KIF4A: variants seen among roughly 807,000 people sequenced by gnomAD.
The protein encoded by KIF4A is kinesin family member 4A.
Under a neutral mutation model 105.9 loss-of-function variants are expected in KIF4A, and 7 were observed. The observed-to-expected ratio is 0.07, with a 90% CI of 0.04 to 0.12. The LOEUF (loss-of-function observed/expected upper bound fraction) is 0.12, where lower values mean the gene tolerates loss of function less well. Ranked by LOEUF, KIF4A falls within the 10% of genes least tolerant of loss-of-function variation. The pLI is 1.00. For synonymous variants in KIF4A, 281 were observed against 331.3 expected (o/e 0.85, Z 1.65); for missense variants, 558 against 929.2 (o/e 0.60, Z 5.19).
chrX:70,311,483 A>T (rs2085849553), intron 7 of KIF4A, among the ~76,000 whole-genome samples: 1 of 111,960 alleles, frequency 8.9e-6, no homozygotes, highest in Non-Finnish European at 1.9e-5. Flanking sequence ...AGAGGTCAGG[A>T]TGGTATAATG....
At chrX:70,357,903 T>C (rs2086058489) in intron 15 of KIF4A, among the ~76,000 whole-genome samples, 1 of 110,851 alleles carries the variant, frequency 9.0e-6, no homozygotes, top group African/African-American at 3.3e-5. Flanking sequence ...TTTTTTGTTG[T>C]TGTTGTTATT....
In KIF4A at chrX:70,403,961, G is replaced by A. The variant is rs1377093411; in HGVS notation, c.2717G>A (p.Arg906Gln). The A allele has an allele frequency of 4.1e-6, 5 of 1,211,572 alleles. No homozygotes were observed. Among genetic ancestry groups the A allele is most frequent in the Middle Eastern group, 2.3e-4 (1 of 4,355 alleles). The change falls in exon 24 of 31, where the codon CGA (arginine) becomes CAA (glutamine). Residue 906 changes from arginine (R) to glutamine (Q), a missense_variant. Transcript: ENST00000374403. ...ADMQKMLFEERNHFAEIETEL... is the reference protein window; with the variant it reads ...ADMQKMLFEEQNHFAEIETEL... ...ATGCAGAAGATGCTGTTTGAGGAAC[G>A]AAATCATTTTGCCGAGATAGAGACA...
At chrX:70,415,048 A>G (rs1325368965) in intron 28 of KIF4A, among the ~76,000 whole-genome samples, 2 of 112,374 alleles carry the variant, frequency 1.8e-5, no homozygotes, top group African/African-American at 6.5e-5. Context: ...CTGAATGTGT[A>G]TACAAGAAAA....
In KIF4A at chrX:70,353,715, G is replaced by A. The variant is rs779570822; in HGVS notation, c.1582G>A (p.Glu528Lys). 3 of 1,210,076 alleles carry A rather than the reference G, an allele frequency of 2.5e-6. No homozygotes were observed. Among genetic ancestry groups the A allele is most frequent in the Non-Finnish European group, 3.4e-6 (3 of 894,696 alleles). The change falls in exon 15 of 31, where the codon GAG becomes AAG. Residue 528 changes from glutamate (E) to lysine (K), a missense_variant. Physicochemically the swap from Glu to Lys is moderately conservative, Grantham distance 56. Transcript: ENST00000374403. ...AGCGCAGATGTCTAAGGAGCTGGTT[G>A]AGTTGAATAAAGCGCTTGCACTGAA... ...RQAQMSKELV[E>K]LNKALALKEA... is the part of the protein sequence containing the mutation.
chrX:70,413,214 G>A lies in KIF4A; in HGVS notation c.3256-4674G>A, dbSNP rs780255766. Among the ~76,000 whole-genome samples, 4 of 112,322 alleles carry A rather than the reference G, an allele frequency of 3.6e-5. No individual in the cohort carries two copies. The East Asian group carries it at 1.1e-3, about 31-fold the overall frequency. ...GAGATTCTTTACCCTCATGAAACTG[G>A]TATTCTTGTGGGGAGAGACACATGG... On this transcript the variant is annotated intron_variant, in intron 28 of 30. Transcript: ENST00000374403.
chrX:70,291,888 G>T (rs1275274549), intron 3 of KIF4A, among the ~76,000 whole-genome samples: 1 of 111,245 alleles, frequency 9.0e-6, no homozygotes, highest in East Asian at 2.8e-4. Context: ...TTGCTTCCTG[G>T]TAATTTCTAC....
intron 15 of KIF4A, among the ~76,000 whole-genome samples, chrX:70,367,204 AGTTTGCCAGTCT>A (rs1214502032): frequency 9.0e-6 from 1 of 111,441 alleles, no homozygotes; most frequent in Non-Finnish European, 1.9e-5. Flanking sequence ...CTCTTTATCC[AGTTTGCCAGTCT>A]GTGTCTTTTA....
chrX:70,386,799 C>T (rs1446964265), intron 19 of KIF4A, 98 bp downstream of exon 19: 4 of 593,353 alleles, frequency 6.7e-6, no homozygotes, highest in Non-Finnish European at 1.1e-5. Context: ...TCCTGAGAAA[C>T]CAGGGATGCC....
intron 18 of KIF4A, among the ~76,000 whole-genome samples, chrX:70,379,792 GA>G (rs772896645): frequency 0.092 from 6,246 of 67,867 alleles, 177 homozygotes; most frequent in Middle Eastern, 0.17. Flanking sequence ...TTCTGTCTCA[GA>G]AAAAAAAAAA....
chrX:70,325,997 TTC>T (rs746096813), intron 7 of KIF4A, among the ~76,000 whole-genome samples: 48 of 111,590 alleles, frequency 4.3e-4, no homozygotes, highest in African/African-American at 1.5e-3. Flanking sequence ...TTAACTAAGA[TTC>T]TCTCTCTCCT....
At chrX:70,359,871 G>T (rs1173134321) in intron 15 of KIF4A, among the ~76,000 whole-genome samples, 1 of 111,364 alleles carries the variant, frequency 9.0e-6, no homozygotes, top group Non-Finnish European at 1.9e-5. Flanking sequence ...TTAGTAGGGA[G>T]GAAGGAGAAT....
intron 7 of KIF4A, among the ~76,000 whole-genome samples, chrX:70,304,111 C>T (rs1480463141): frequency 1.3e-5 from 1 of 75,450 alleles, no homozygotes; most frequent in South Asian, 9.9e-4. Context: ...CACAACAGTC[C>T]GCAGAGTGTG....
At chrX:70,315,889 G>GA (rs1335229163) in intron 7 of KIF4A, among the ~76,000 whole-genome samples, 1 of 111,980 alleles carries the variant, frequency 8.9e-6, no homozygotes, top group Non-Finnish European at 1.9e-5. Context: ...TATGGGCGAA[G>GA]CCTTTGCCAC....
At chrX:70,303,415 T>A (rs1200805980) in intron 7 of KIF4A, among the ~76,000 whole-genome samples, 1 of 112,091 alleles carries the variant, frequency 8.9e-6, no homozygotes, top group Non-Finnish European at 1.9e-5. Context: ...ACTTACTACC[T>A]CTTTACTCAT....
At chrX:70,292,146 T>G (rs1195853003) in intron 3 of KIF4A, among the ~76,000 whole-genome samples, 2 of 111,788 alleles carry the variant, frequency 1.8e-5, no homozygotes, top group African/African-American at 3.3e-5. Context: ...TAGTGTATAT[T>G]TCCTACAAAA....
At chrX:70,360,663 G>A (rs778958432) in intron 15 of KIF4A, among the ~76,000 whole-genome samples, 3 of 112,989 alleles carry the variant, frequency 2.7e-5, no homozygotes, top group Non-Finnish European at 3.8e-5. Context: ...GGGCTTCTGG[G>A]CAGAAAGGGC....
At chrX:70,293,973 C>T (rs1161586799) in intron 3 of KIF4A, among the ~76,000 whole-genome samples, 4 of 112,333 alleles carry the variant, frequency 3.6e-5, no homozygotes, top group Non-Finnish European at 7.5e-5. Flanking sequence ...GCTTATTATA[C>T]GTTTTTTACT....
At chrX:70,377,295 C>A (rs2086178757) in intron 18 of KIF4A, among the ~76,000 whole-genome samples, 1 of 111,121 alleles carries the variant, frequency 9.0e-6, no homozygotes, top group African/African-American at 3.3e-5. Context: ...TGGTCTCGAA[C>A]TCCTGGGCTC....
rs2086195101 is a variant in KIF4A at position 70,380,961 on chromosome X, C to G, written c.2034+4751C>G. On this transcript the variant is annotated intron_variant, in intron 18 of 30. Transcript: ENST00000374403. ...GCCAGGAGTTCGAGACCAGCCTGGCCAACACGGTGAAACCCCGTCTCTACT... is the reference window on the plus strand; with the variant it reads ...GCCAGGAGTTCGAGACCAGCCTGGCGAACACGGTGAAACCCCGTCTCTACT... Among the ~76,000 whole-genome samples, 4 of 110,647 alleles carry G rather than the reference C, an allele frequency of 3.6e-5. No homozygotes were observed. In the South Asian group the frequency reaches 1.5e-3, roughly 42 times the overall value.
Sources: gnomAD v4.1 joint callset for allele counts (sites outside exome capture counted in the v4.1 genomes callset) on GRCh38, gnomAD v4.1.1 for gene constraint, MANE v1.5 for transcripts, NCBI Gene and HGNC (gene_info 2026-07-23, HGNC 2026-07-21) for gene names.